The following SHQ1 variants were observed in gnomAD, a reference collection of about 807,000 sequenced individuals.
SHQ1 encodes protein SHQ1 homolog.
SHQ1 carries 49 observed loss-of-function variants against 53.8 expected under a neutral mutation model. The observed-to-expected ratio is 0.91, with a 90% confidence interval of 0.72 to 1.16. SHQ1 has a LOEUF of 1.16. SHQ1 is among the 50% of genes most tolerant of loss of function. The pLI, the probability that SHQ1 is intolerant of heterozygous loss-of-function variation, is 0.00. For synonymous variants in SHQ1, 243 were observed against 251.0 expected (o/e 0.97, Z 0.30); for missense variants, 738 against 683.1 (o/e 1.08, Z -0.90).
At chr3:72,768,879 C>A (rs1375813118) in intron 10 of SHQ1, among the ~76,000 whole-genome samples, 1 of 152,178 alleles carries the variant, frequency 6.6e-6, no homozygotes, top group Non-Finnish European at 1.5e-5. Flanking sequence ...GCTGCAGCTT[C>A]CAAAATTGAT....
Position 72,750,673 on chromosome 3 carries a change from A to G in SHQ1, c.1345T>C (p.Cys449Arg). The G allele has an allele frequency of 6.2e-7, 1 of 1,610,366 alleles. No individual in the cohort carries two copies. The highest frequency in any genetic ancestry group is 8.5e-7 in the Non-Finnish European group (1 of 1,178,024). Residue 449 changes from cysteine (C) to arginine (R), a missense_variant, in exon 11 of 11, where the codon TGC (cysteine) becomes CGC (arginine). By Grantham distance (180) the Cys-to-Arg change is radical. Coordinates refer to ENST00000325599, the MANE Select transcript of SHQ1 (RefSeq NM_018130.3). Reference sequence around the variant, plus strand: ...GAATCACTTGCCTCAGAGCTGGAGCAAAGTGTCTGCTGCCCAGAAACTGAA... The same window carrying G: ...GAATCACTTGCCTCAGAGCTGGAGCGAAGTGTCTGCTGCCCAGAAACTGAA... ...AHSVSGQQTL[C>R]SSSEASDSED...
chr3:72,838,159 C>G (rs1380816155), intron 4 of SHQ1, among the ~76,000 whole-genome samples: 1 of 152,218 alleles, frequency 6.6e-6, no homozygotes, highest in African/African-American at 2.4e-5. Context: ...TTTTTGAATA[C>G]GTACACTAAG....
At chr3:72,793,240 G>C (rs998623313) in intron 9 of SHQ1, 4 of 412,756 alleles carry the variant, frequency 9.7e-6, no homozygotes, top group Non-Finnish European at 1.7e-5. Flanking sequence ...AGGCACAGTG[G>C]CTCACACCTG....
At chr3:72,836,868 T>C (rs1708015546) in intron 4 of SHQ1, among the ~76,000 whole-genome samples, 1 of 152,012 alleles carries the variant, frequency 6.6e-6, no homozygotes, top group Admixed American at 6.6e-5. Context: ...CAAGAAAAGG[T>C]CAGGTAGGAT....
At chr3:72,833,578 T>C (rs918678302) in intron 4 of SHQ1, among the ~76,000 whole-genome samples, 7 of 148,452 alleles carry the variant, frequency 4.7e-5, no homozygotes, top group Non-Finnish European at 9.0e-5. Context: ...GATAGAATTT[T>C]TACGGGCAAT....
At position 72,749,797 on chromosome 3, in the gene SHQ1, C is replaced by T. The variant is rs998475758; in HGVS notation, c.*487G>A. On this transcript the variant is annotated 3_prime_UTR_variant, in exon 11 of 11. Transcript: ENST00000325599. ...TACTTTTGAACTTTATCTTCACAGT[C>T]GCGGCAAGGAAAACAAAAGGTATAA... The T allele has an allele frequency of 6.8e-5, 15 of 221,838 alleles. No individual in the cohort carries two copies. The highest frequency in any genetic ancestry group is 3.1e-4 in the African/African-American group (14 of 44,610). 13.7% of individuals were successfully genotyped at this position (221,838 alleles called of 1,614,324 possible).
chr3:72,828,457 G>T (rs1247738634), intron 5 of SHQ1, among the ~76,000 whole-genome samples: 2 of 152,192 alleles, frequency 1.3e-5, no homozygotes, highest in Non-Finnish European at 2.9e-5. Flanking sequence ...CACTTTGGGA[G>T]GCCAAGGCAG....
chr3:72,825,170 T>C (rs1575726047), intron 5 of SHQ1, among the ~76,000 whole-genome samples: 1 of 152,184 alleles, frequency 6.6e-6, no homozygotes, highest in Middle Eastern at 3.4e-3. Context: ...CCATATTCGA[T>C]GATGTGAAAT....
intron 6 of SHQ1, 55 bp from the exon 7 acceptor site, chr3:72,817,439 CAATGGAAG>C: frequency 6.7e-7 from 1 of 1,484,470 alleles, no homozygotes; most frequent in Admixed American, 2.1e-5. Flanking sequence ...GTAAAACTCC[CAATGGAAG>C]ATTTGTCAAA....
At chr3:72,826,910 T>C (rs1707676833) in intron 5 of SHQ1, among the ~76,000 whole-genome samples, 1 of 152,202 alleles carries the variant, frequency 6.6e-6, no homozygotes, top group African/African-American at 2.4e-5. Context: ...GCTTTTTACA[T>C]AGGGGAATGA....
At chr3:72,779,448 T>A (rs1706028454) in intron 10 of SHQ1, among the ~76,000 whole-genome samples, 1 of 152,160 alleles carries the variant, frequency 6.6e-6, no homozygotes, top group South Asian at 2.1e-4. Flanking sequence ...GCAGTATGAA[T>A]CTTTTCTTTT....
chr3:72,772,740 C>T (rs967138809), intron 10 of SHQ1: 11 of 743,534 alleles, frequency 1.5e-5, no homozygotes, highest in Middle Eastern at 2.3e-4. Flanking sequence ...ATGCTACTCC[C>T]GTGGATGATC....
At chr3:72,824,626 C>G in intron 5 of SHQ1, 75 bp from the exon 6 acceptor site, 1 of 1,472,290 alleles carries the variant, frequency 6.8e-7, no homozygotes, top group Non-Finnish European at 9.2e-7. Context: ...TATCTTAACT[C>G]ATATTTGTAC....
intron 10 of SHQ1, among the ~76,000 whole-genome samples, chr3:72,768,027 T>A (rs1283801595): frequency 6.6e-6 from 1 of 151,946 alleles, no homozygotes; most frequent in Non-Finnish European, 1.5e-5. Context: ...CTGAGACAAA[T>A]CCAGCCCTAG....
At chr3:72,751,506 GTGTATA>G (rs760932950) in intron 10 of SHQ1, among the ~76,000 whole-genome samples, 4 of 117,428 alleles carry the variant, frequency 3.4e-5, no homozygotes, top group Middle Eastern at 3.7e-3. Context: ...GTGTGTGTGT[GTGTATA>G]TATATATATA....
intron 10 of SHQ1, among the ~76,000 whole-genome samples, chr3:72,765,995 T>C (rs985304237): frequency 3.3e-5 from 5 of 152,072 alleles, no homozygotes; most frequent in Admixed American, 6.5e-5. Context: ...TAAAATATAG[T>C]GTGCTAGATG....
At chr3:72,793,571 G>A (rs1706513376) in intron 9 of SHQ1, 1 of 150,912 alleles carries the variant, frequency 6.6e-6, no homozygotes, top group African/African-American at 2.4e-5. Context: ...CTGACTAGTT[G>A]TGGTTATCAT....
intron 10 of SHQ1, among the ~76,000 whole-genome samples, chr3:72,778,018 G>A (rs961051976): frequency 1.3e-5 from 2 of 152,138 alleles, no homozygotes; most frequent in African/African-American, 2.4e-5. Flanking sequence ...CTAAACTTGA[G>A]ATATATGCAC....
At chr3:72,844,593 G>C in intron 1 of SHQ1, 170 bp from the exon 2 acceptor site, 1 of 668,238 alleles carries the variant, frequency 1.5e-6, no homozygotes, top group Non-Finnish European at 2.7e-6. Context: ...CCCCAACCAA[G>C]AAAGTAGAAA....
Sources: allele counts gnomAD v4.1 joint callset (sites outside exome capture counted in the v4.1 genomes callset), GRCh38; gene constraint gnomAD v4.1.1; transcripts MANE v1.5; gene names NCBI Gene and HGNC (gene_info 2026-07-23, HGNC 2026-07-21).